CSMD3: variants seen among roughly 807,000 people sequenced by gnomAD.
The protein encoded by CSMD3 is CUB and Sushi multiple domains 3.
A neutral mutation model predicts 435.2 loss-of-function variants in CSMD3; 177 were observed. That is an observed-to-expected ratio of 0.41 (90% CI 0.36 to 0.46). CSMD3 has a LOEUF of 0.46. CSMD3 is among the 20% of genes least tolerant of loss of function. CSMD3 has a pLI of 0.34. For synonymous variants in CSMD3, 1,656 were observed against 1,520.5 expected (o/e 1.09, Z -2.07); for missense variants, 4,265 against 4,504.6 (o/e 0.95, Z 1.52).
At chr8:112,501,402 A>G (rs1821944684) in intron 30 of CSMD3, among the ~76,000 whole-genome samples, 1 of 151,960 alleles carries the variant, frequency 6.6e-6, no homozygotes, top group South Asian at 2.1e-4. Flanking sequence ...AAGGAAAAAA[A>G]AAAAAAAAGA....
At chr8:113,194,828 C>CTATA (rs1564413172) in intron 3 of CSMD3, among the ~76,000 whole-genome samples, 2 of 151,198 alleles carry the variant, frequency 1.3e-5, no homozygotes, top group Non-Finnish European at 3.0e-5. Flanking sequence ...TCACAGTGGC[C>CTATA]TATACCTAGC....
chr8:113,339,442 C>CA (rs1193966558), intron 1 of CSMD3, among the ~76,000 whole-genome samples: 16 of 151,586 alleles, frequency 1.1e-4, no homozygotes, highest in Non-Finnish European at 1.6e-4. Context: ...AGGTTGTTAC[C>CA]AAAAAAATGC....
chr8:112,731,372 G>T (rs558299937), intron 13 of CSMD3, among the ~76,000 whole-genome samples: 3 of 152,072 alleles, frequency 2.0e-5, no homozygotes, highest in Admixed American at 6.6e-5. Flanking sequence ...ATTGAATTCT[G>T]CATCTGTATT....
At chr8:112,898,168 A>T (rs1459170703) in intron 10 of CSMD3, among the ~76,000 whole-genome samples, 1 of 151,162 alleles carries the variant, frequency 6.6e-6, no homozygotes, top group Non-Finnish European at 1.5e-5. Context: ...TCTAATAAAA[A>T]CCAACAGGAG....
At chr8:112,829,900 C>G (rs1336412507) in intron 11 of CSMD3, 111 bp from the exon 12 acceptor site, 1 of 613,892 alleles carries the variant, frequency 1.6e-6, no homozygotes, top group Non-Finnish European at 2.8e-6. Context: ...CACACACACA[C>G]ACACACACAC....
At chr8:112,895,198 A>G (rs1277480941) in intron 10 of CSMD3, among the ~76,000 whole-genome samples, 1 of 151,474 alleles carries the variant, frequency 6.6e-6, no homozygotes, top group East Asian at 2.0e-4. Context: ...GAGAGATATC[A>G]GCAAACAAAT....
chr8:112,937,535 G>C (rs964668666), intron 9 of CSMD3, among the ~76,000 whole-genome samples: 71 of 151,864 alleles, frequency 4.7e-4, no homozygotes, highest in African/African-American at 1.5e-3. Flanking sequence ...ATTTTTAGTA[G>C]AGACAGGGAT....
rs551708151 is a variant in CSMD3, at chr8:113,241,494, A to G, written c.514+37098T>C. On this transcript the variant is annotated intron_variant, in intron 3 of 70. Transcript: ENST00000297405. ...TTGGTAGAATCTTAAATGTTCAGAA[A>G]AAAACATTATATTGAACACTAGATC... Among the ~76,000 whole-genome samples, 5 of 152,084 alleles carry G rather than the reference A, an allele frequency of 3.3e-5. No individual in the cohort carries two copies. In the East Asian group the frequency reaches 9.7e-4, roughly 29 times the overall value.
rs540644242 is a variant in CSMD3, at chr8:112,730,831, C to G, written c.1973-40781G>C. On this transcript the variant is annotated intron_variant, in intron 13 of 70. Transcript: ENST00000297405. ...TTAGGGCTTGCTCTTGAGCTATAAA[C>G]GAAGTGGGTGTACTATTTCCAGCTG... Among the ~76,000 whole-genome samples the G allele has an allele frequency of 3.3e-5, 5 of 152,170 alleles. No homozygotes were observed. In the East Asian group the frequency reaches 9.7e-4, roughly 29 times the overall value.
rs547605110 is a variant in CSMD3, at chr8:113,185,770, C to T, written c.515-11854G>A. On this transcript the variant is annotated intron_variant, in intron 3 of 70. Transcript: ENST00000297405. ...ATGCGTGTGTGTGTGCATGTGCACGCGTGCGTGTATATGTGTGTTGTAACA... is the reference window on the plus strand; with the variant it reads ...ATGCGTGTGTGTGTGCATGTGCACGTGTGCGTGTATATGTGTGTTGTAACA... 1.8e-4 allele frequency among the ~76,000 whole-genome samples: 27 copies of T among 151,924 alleles called. No individual in the cohort carries two copies. In the Middle Eastern group the frequency reaches 0.014, roughly 77 times the overall value.
chr8:113,184,254 A>G (rs1178469517), intron 3 of CSMD3, among the ~76,000 whole-genome samples: 2 of 152,046 alleles, frequency 1.3e-5, no homozygotes, highest in African/African-American at 2.4e-5. Flanking sequence ...ATGTTTAGCT[A>G]TCTGGAAGCA....
chr8:112,795,714 T>C (rs2078812745), intron 13 of CSMD3, among the ~76,000 whole-genome samples: 2 of 152,266 alleles, frequency 1.3e-5, no homozygotes, highest in African/African-American at 4.8e-5. Flanking sequence ...AGACATGTCA[T>C]GTGGCAACAG....
At chr8:112,352,578 T>C (rs771667155) in intron 38 of CSMD3, 44 bp from the exon 39 acceptor site, 2 of 1,527,350 alleles carry the variant, frequency 1.3e-6, no homozygotes, top group Non-Finnish European at 1.8e-6. Flanking sequence ...TTTCAAGTGA[T>C]AAATGCTTAA....
At chr8:113,366,518 C>T (rs1298125440) in intron 1 of CSMD3, among the ~76,000 whole-genome samples, 1 of 152,036 alleles carries the variant, frequency 6.6e-6, no homozygotes, top group African/African-American at 2.4e-5. Context: ...ATAGTGAAAA[C>T]AAGCATGGCC....
At chr8:112,268,045 T>C (rs1232203189) in intron 59 of CSMD3, among the ~76,000 whole-genome samples, 1 of 152,078 alleles carries the variant, frequency 6.6e-6, no homozygotes, top group Non-Finnish European at 1.5e-5. Context: ...AATTCAGAAA[T>C]ACCATTGCAT....
At chr8:112,949,441 C>A (rs1213091067) in intron 8 of CSMD3, among the ~76,000 whole-genome samples, 1 of 151,954 alleles carries the variant, frequency 6.6e-6, no homozygotes, top group Non-Finnish European at 1.5e-5. Flanking sequence ...TTTGCCGATT[C>A]TACTACAGCG....
At chr8:112,496,629 A>G (rs535886750) in intron 30 of CSMD3, among the ~76,000 whole-genome samples, 1 of 152,318 alleles carries the variant, frequency 6.6e-6, no homozygotes, top group South Asian at 2.1e-4. Flanking sequence ...AGCCATAAAA[A>G]AGAATGAAAT....
Position 112,384,482 on chromosome 8 carries a change from G to A in CSMD3, c.5935-819C>T, listed in dbSNP as rs1489637866. On this transcript the variant is annotated intron_variant, in intron 36 of 70. Coordinates refer to ENST00000297405, the MANE Select transcript of CSMD3 (RefSeq NM_198123.2). ...GAACCCACAGGACCCTCACAACTAC[G>A]GATGCTACCTATTTTGCTATTTCTT... Among the ~76,000 whole-genome samples, 5 of 152,156 alleles carry A rather than the reference G, an allele frequency of 3.3e-5. 1 individual carries two copies. The South Asian group carries it at 6.2e-4, about 19-fold the overall frequency.
chr8:113,352,197 G>C (rs1399727710), intron 1 of CSMD3, among the ~76,000 whole-genome samples: 1 of 152,080 alleles, frequency 6.6e-6, no homozygotes, highest in African/African-American at 2.4e-5. Context: ...TATAATTATA[G>C]TAAGGATCTT....
Sources: allele counts gnomAD v4.1 joint callset (sites outside exome capture counted in the v4.1 genomes callset), GRCh38; gene constraint gnomAD v4.1.1; transcripts MANE v1.5; gene names NCBI Gene and HGNC (gene_info 2026-07-23, HGNC 2026-07-21).